The following KCND3 variants were observed in gnomAD, a reference collection of about 807,000 sequenced individuals.
The protein encoded by KCND3 is A-type voltage-gated potassium channel KCND3.
In KCND3, 9 loss-of-function variants were observed where a neutral mutation model predicts 51.1. That is an observed-to-expected ratio of 0.18 (90% CI 0.11 to 0.31). KCND3 has a LOEUF of 0.31. Among genes scored for constraint, KCND3 ranks in the 10% least tolerant of loss-of-function variants. The pLI is 1.00. For synonymous variants in KCND3, 349 were observed against 368.0 expected, an observed-to-expected ratio of 0.95 and a Z score of 0.59; for missense variants, 526 against 903.8, an observed-to-expected ratio of 0.58 and a Z score of 5.36.
chr1:111,932,737 A>G (rs1052558286), intron 2 of KCND3, among the ~76,000 whole-genome samples: 2 of 152,200 alleles, frequency 1.3e-5, no homozygotes, highest in African/African-American at 2.4e-5. Flanking sequence ...GATTCTGCTC[A>G]TCTACCCAAA....
intron 2 of KCND3, among the ~76,000 whole-genome samples, chr1:111,850,855 T>C (rs975988496): frequency 6.6e-6 from 1 of 152,168 alleles, no homozygotes; most frequent in Non-Finnish European, 1.5e-5. Context: ...AAACCACAAC[T>C]GCGAAGATGG....
chr1:111,965,344 A>G (rs757123554), intron 2 of KCND3, among the ~76,000 whole-genome samples: 6 of 151,850 alleles, frequency 4.0e-5, no homozygotes, highest in Non-Finnish European at 5.9e-5. Flanking sequence ...GATGGCAGGA[A>G]GAGGGCAGGA....
intron 2 of KCND3, among the ~76,000 whole-genome samples, chr1:111,810,999 C>T (rs1282178736): frequency 1.3e-5 from 2 of 152,158 alleles, no homozygotes; most frequent in East Asian, 3.9e-4. Flanking sequence ...AGCTTCAGGG[C>T]CTCAGGAAGG....
intron 2 of KCND3, among the ~76,000 whole-genome samples, chr1:111,820,279 C>G (rs1666287879): frequency 6.6e-6 from 1 of 152,190 alleles, no homozygotes; most frequent in Non-Finnish European, 1.5e-5. Flanking sequence ...AAAATCCTGT[C>G]CATCTTTCCA....
intron 2 of KCND3, among the ~76,000 whole-genome samples, chr1:111,973,272 A>G (rs1262333336): frequency 6.6e-6 from 1 of 152,234 alleles, no homozygotes; most frequent in Non-Finnish European, 1.5e-5. Flanking sequence ...TACAACCTCG[A>G]AGGCAAGGCT....
intron 2 of KCND3, among the ~76,000 whole-genome samples, chr1:111,835,899 C>A (rs1455959214): frequency 6.6e-6 from 1 of 152,178 alleles, no homozygotes. Context: ...ATAGGCTCAC[C>A]TCAAATTCTT....
chr1:111,803,313 A>C (rs1665404831), intron 2 of KCND3, among the ~76,000 whole-genome samples: 1 of 151,988 alleles, frequency 6.6e-6, no homozygotes. Flanking sequence ...GTAGGGTTCC[A>C]TTACATGTTT....
chr1:111,861,730 G>T (rs549099772), intron 2 of KCND3, among the ~76,000 whole-genome samples: 1 of 152,326 alleles, frequency 6.6e-6, no homozygotes, highest in Admixed American at 6.5e-5. Context: ...AGAGGGGCCT[G>T]CAGGGCCAGG....
intron 2 of KCND3, among the ~76,000 whole-genome samples, chr1:111,932,393 T>C (rs926011860): frequency 1.3e-5 from 2 of 152,170 alleles, no homozygotes; most frequent in African/African-American, 2.4e-5. Context: ...TGTTGGTTTG[T>C]TTTTACCATT....
At chr1:111,939,200 C>T (rs1179081919) in intron 2 of KCND3, among the ~76,000 whole-genome samples, 1 of 152,168 alleles carries the variant, frequency 6.6e-6, no homozygotes, top group Non-Finnish European at 1.5e-5. Context: ...TCCTCCAAAC[C>T]CTCAGGCCCC....
In KCND3 at chr1:111,869,287, G is replaced by T. The variant is rs998336691; in HGVS notation, c.1107-82181C>A. On this transcript the variant is annotated intron_variant, in intron 2 of 7. Transcript: ENST00000302127. ...GTCAGAATTATCAGACAGAAACAGAGCTCCTAGAGGCTCCTCCTGCCACCT... is the reference window on the plus strand; with the variant it reads ...GTCAGAATTATCAGACAGAAACAGATCTCCTAGAGGCTCCTCCTGCCACCT... Among the ~76,000 whole-genome samples, 119 of 152,256 alleles carry T rather than the reference G, an allele frequency of 7.8e-4. 2 individuals are homozygous for T. Among genetic ancestry groups the T allele is most frequent in the African/African-American group, 2.7e-3 (113 of 41,538 alleles).
intron 2 of KCND3, among the ~76,000 whole-genome samples, chr1:111,922,403 G>C (rs1671512428): frequency 1.3e-5 from 2 of 152,240 alleles, no homozygotes. Context: ...GAGCACTGTG[G>C]AAGATGCACC....
At chr1:111,829,035 A>G (rs764548607) in intron 2 of KCND3, among the ~76,000 whole-genome samples, 19 of 152,314 alleles carry the variant, frequency 1.2e-4, no homozygotes, top group Non-Finnish European at 2.8e-4. Context: ...AATGCTACAA[A>G]GACAATTCAA....
At chr1:111,779,278 TAGCA>T (rs1256341528) in intron 5 of KCND3, among the ~76,000 whole-genome samples, 1 of 151,728 alleles carries the variant, frequency 6.6e-6, no homozygotes, top group Admixed American at 6.6e-5. Flanking sequence ...CTGGGCAACA[TAGCA>T]AGATCCTGTC....
At chr1:111,947,849 T>A (rs1283301870) in intron 2 of KCND3, among the ~76,000 whole-genome samples, 1 of 152,228 alleles carries the variant, frequency 6.6e-6, no homozygotes, top group Non-Finnish European at 1.5e-5. Flanking sequence ...GTTGTTCGAT[T>A]AGTTTTTTGT....
chr1:111,802,480 G>C (rs1025657230), intron 2 of KCND3, among the ~76,000 whole-genome samples: 1 of 152,222 alleles, frequency 6.6e-6, no homozygotes, highest in Admixed American at 6.5e-5. Context: ...CTCTCTAGTT[G>C]TGTGACTTCG....
chr1:111,934,211 C>G (rs1217171684), intron 2 of KCND3, among the ~76,000 whole-genome samples: 2 of 152,196 alleles, frequency 1.3e-5, no homozygotes, highest in African/African-American at 4.8e-5. Flanking sequence ...GAGGCTTCAG[C>G]TGAAAGGCCT....
In KCND3 at chr1:111,771,133, T is replaced by C. The variant is rs992877350; in HGVS notation, c.*4944A>G. The C allele has an allele frequency of 8.5e-5, 13 of 152,184 alleles. No individual in the cohort carries two copies. Among genetic ancestry groups the C allele is most frequent in the Admixed American group, 3.3e-4 (5 of 15,276 alleles). The allele number at this position is 152,184 out of a possible 1,614,324, so 9.4% of individuals were successfully genotyped here. ...GTTAGAGTGACATCATCCAGTGTAGTTGAGTAACCTGCTAAGATAAATGTC... is the reference window on the plus strand; with the variant it reads ...GTTAGAGTGACATCATCCAGTGTAGCTGAGTAACCTGCTAAGATAAATGTC... On this transcript the variant is annotated 3_prime_UTR_variant, in exon 8 of 8. Coordinates refer to ENST00000302127, the MANE Select transcript of KCND3 (RefSeq NM_001378969.1).
chr1:111,775,832 C>A lies in KCND3; in HGVS notation c.*245G>T. 6.6e-6 allele frequency: 1 copy of A among 151,322 alleles called. No homozygotes were observed. The highest frequency in any genetic ancestry group is 1.4e-5 in the Non-Finnish European group (1 of 70,034). 9.4% of individuals were successfully genotyped at this position (151,322 alleles called of 1,614,324 possible). On this transcript the variant is annotated 3_prime_UTR_variant, in exon 8 of 8. Coordinates refer to ENST00000302127, the MANE Select transcript of KCND3 (RefSeq NM_001378969.1). Reference sequence around the variant, plus strand: ...GGCCTATCCCCGACCCCCCCACCCTCCCTCCCTTCCTCTGGCCCCAGTGAG... The same window carrying A: ...GGCCTATCCCCGACCCCCCCACCCTACCTCCCTTCCTCTGGCCCCAGTGAG...
Sources: allele counts gnomAD v4.1 joint callset (sites outside exome capture counted in the v4.1 genomes callset), GRCh38; gene constraint gnomAD v4.1.1; transcripts MANE v1.5; gene names NCBI Gene and HGNC (gene_info 2026-07-23, HGNC 2026-07-21).